SMAD4: variants seen among roughly 807,000 people sequenced by gnomAD.
SMAD4 encodes SMAD family member 4.
SMAD4 carries 7 observed loss-of-function variants against 63.2 expected under a neutral mutation model. The observed-to-expected ratio is 0.11, with a 90% CI of 0.06 to 0.21. SMAD4 has a LOEUF of 0.21. SMAD4 is among the 10% of genes least tolerant of loss of function. The probability of loss-of-function intolerance (pLI) is 1.00; values close to 1 mark genes in which losing one functional copy is unlikely to be tolerated. For synonymous variants in SMAD4, 215 were observed against 235.4 expected (o/e 0.91, Z 0.79); for missense variants, 312 against 693.8 (o/e 0.45, Z 6.18).
chr18:51,065,416 C>T lies in SMAD4; in HGVS notation c.956-7C>T, dbSNP rs778959035. On this transcript the variant is annotated splice_polypyrimidine_tract_variant and splice_region_variant and intron_variant, in intron 8 of 11. Coordinates refer to ENST00000342988, the MANE Select transcript of SMAD4 (RefSeq NM_005359.6). Reference sequence around the variant, plus strand: ...GGAGGATGTTCTTTCCCATTTATTTCCTATAGCTCCTGAGTATTGGTGTTC... The same window carrying T: ...GGAGGATGTTCTTTCCCATTTATTTTCTATAGCTCCTGAGTATTGGTGTTC... 6.2e-7 allele frequency: 1 copy of T among 1,611,016 alleles called. No individual in the cohort carries two copies. The highest frequency in any genetic ancestry group is 2.2e-5 in the East Asian group (1 of 44,840).
intron 10 of SMAD4, among the ~76,000 whole-genome samples, chr18:51,073,386 TATACAC>T (rs1360509484): frequency 3.8e-4 from 31 of 82,050 alleles, no homozygotes; most frequent in Non-Finnish European, 4.9e-4. Context: ...TATATATATA[TATACAC>T]ACACACACAC....
In SMAD4 at chr18:51,078,474, T is replaced by C; in HGVS notation, c.*7T>C. The C allele has an allele frequency of 6.2e-7, 1 of 1,605,666 alleles. No homozygotes were observed. The highest frequency in any genetic ancestry group is 8.5e-7 in the Non-Finnish European group (1 of 1,172,620). ...CCCACAACCTTTAGACTGAGGTCTT[T>C]TACCGTTGGGGCCCTTAACCTTATC... is the stretch of plus-strand genomic sequence containing the variant. On this transcript the variant is annotated 3_prime_UTR_variant, in exon 12 of 12. Transcript: ENST00000342988.
At position 51,080,804 on chromosome 18, in the gene SMAD4, G is replaced by C. The variant is rs781371523; in HGVS notation, c.*2337G>C. On this transcript the variant is annotated 3_prime_UTR_variant, in exon 12 of 12. Transcript: ENST00000342988. ...GATCCATCCACCTTGGCCTCCCAAA[G>C]TGCTGGGATTACGGGCGTGAGCCAC... 1.7e-5 allele frequency: 3 copies of C among 175,144 alleles called. No individual in the cohort carries two copies. The highest frequency in any genetic ancestry group is 2.5e-5 in the Non-Finnish European group (2 of 81,238). The allele number at this position is 175,144 out of a possible 1,614,324, so 10.8% of individuals were successfully genotyped here.
chr18:51,070,592 G>GCT (rs1386547474), intron 10 of SMAD4, among the ~76,000 whole-genome samples: 2 of 152,130 alleles, frequency 1.3e-5, no homozygotes, highest in Non-Finnish European at 1.5e-5. Flanking sequence ...ACTTTCCATG[G>GCT]CTTCAGGTAT....
chr18:51,060,711 A>G (rs1181470921), intron 8 of SMAD4, among the ~76,000 whole-genome samples: 1 of 152,094 alleles, frequency 6.6e-6, no homozygotes, highest in African/African-American at 2.4e-5. Context: ...TCAGATTACT[A>G]CAGCCTTGAC....
intron 8 of SMAD4, among the ~76,000 whole-genome samples, chr18:51,061,139 C>T (rs1910000825): frequency 6.6e-6 from 1 of 152,052 alleles, no homozygotes; most frequent in African/African-American, 2.4e-5. Context: ...TGTTTTGATA[C>T]AGGCATATAA....
Position 51,054,809 on chromosome 18 carries a change from A to G in SMAD4, c.483A>G (p.Glu161=), listed in dbSNP as rs786201120. Residue 161 remains glutamate (E), a synonymous_variant, in exon 5 of 12, where the codon GAA becomes GAG. Coordinates refer to ENST00000342988, the MANE Select transcript of SMAD4 (RefSeq NM_005359.6). ...CATCAAGTATGATGGTGAAGGATGAATATGTGCATGACTTTGAGGGACAGC... is the reference window on the plus strand; with the variant it reads ...CATCAAGTATGATGGTGAAGGATGAGTATGTGCATGACTTTGAGGGACAGC... ...NAPSSMMVKD[E]YVHDFEGQPS... The G allele has an allele frequency of 6.2e-7, 1 of 1,613,564 alleles. No individual in the cohort carries two copies. The highest frequency in any genetic ancestry group is 1.7e-4 in the Middle Eastern group (1 of 6,058).
At position 51,078,455 on chromosome 18, in the gene SMAD4, A is replaced by G. The variant is rs113545983; in HGVS notation, c.1647A>G (p.Gln549=). The change falls in exon 12 of 12, where the codon CAA becomes CAG. Residue 549 remains glutamine, a synonymous_variant. Coordinates refer to ENST00000342988, the MANE Select transcript of SMAD4 (RefSeq NM_005359.6). ...VLHTMPIADP[Q]PLD is the part of the protein sequence containing the mutation. ...ATACCATGCCGATTGCAGACCCACAACCTTTAGACTGAGGTCTTTTACCGT... is the reference window on the plus strand; with the variant it reads ...ATACCATGCCGATTGCAGACCCACAGCCTTTAGACTGAGGTCTTTTACCGT... 59 of 1,613,484 alleles carry G rather than the reference A, an allele frequency of 3.7e-5. No homozygotes were observed. In the Middle Eastern group the frequency reaches 8.3e-4, roughly 23 times the overall value.
At chr18:51,061,878 A>G (rs1050448908) in intron 8 of SMAD4, among the ~76,000 whole-genome samples, 4 of 152,154 alleles carry the variant, frequency 2.6e-5, no homozygotes, top group Non-Finnish European at 4.4e-5. Flanking sequence ...GTTATTGATT[A>G]TGTTGGTTTA....
chr18:51,046,917 T>A lies in SMAD4; in HGVS notation c.-127-3T>A, dbSNP rs746840014. 8.7e-5 allele frequency: 65 copies of A among 747,610 alleles called. No individual in the cohort carries two copies. The highest frequency in any genetic ancestry group is 1.3e-4 in the Non-Finnish European group (58 of 455,592). The allele number at this position is 747,610 out of a possible 1,614,324, so 46.3% of individuals were successfully genotyped here. A position where few individuals can be genotyped will look rare whatever the true frequency, so the allele number is the denominator to read the frequency against. Reference sequence around the variant, plus strand: ...GTGTGTCTTTTTTTTTTTTCTTTTTTAGGTTATCCTGAATACATGTCTAAC... The same window carrying A: ...GTGTGTCTTTTTTTTTTTTCTTTTTAAGGTTATCCTGAATACATGTCTAAC... On this transcript the variant is annotated splice_region_variant and splice_polypyrimidine_tract_variant and intron_variant, in intron 1 of 11. Coordinates refer to ENST00000342988, the MANE Select transcript of SMAD4 (RefSeq NM_005359.6).
intron 1 of SMAD4, among the ~76,000 whole-genome samples, chr18:51,038,459 C>G (rs1909276538): frequency 6.6e-6 from 1 of 152,196 alleles, no homozygotes; most frequent in African/African-American, 2.4e-5. Flanking sequence ...TGCAACTAAC[C>G]TTTCAGAATT....
chr18:51,049,834 A>G (rs1909654005), intron 4 of SMAD4, among the ~76,000 whole-genome samples: 1 of 152,206 alleles, frequency 6.6e-6, no homozygotes, highest in Non-Finnish European at 1.5e-5. Flanking sequence ...CATTTTGAGT[A>G]AATAAATCAA....
At chr18:51,040,568 GA>G (rs1203974531) in intron 1 of SMAD4, among the ~76,000 whole-genome samples, 4 of 151,992 alleles carry the variant, frequency 2.6e-5, no homozygotes, top group African/African-American at 9.7e-5. Flanking sequence ...TAACATCTGA[GA>G]AAAAATGTCA....
intron 7 of SMAD4, among the ~76,000 whole-genome samples, chr18:51,059,319 G>A (rs563913598): frequency 2.6e-4 from 39 of 152,292 alleles, no homozygotes; most frequent in Non-Finnish European, 5.0e-4. Context: ...CCATTGACAA[G>A]TTATTTCACC....
intron 8 of SMAD4, among the ~76,000 whole-genome samples, chr18:51,062,131 C>CAG (rs1400793837): frequency 6.6e-6 from 1 of 152,110 alleles, no homozygotes; most frequent in African/African-American, 2.4e-5. Flanking sequence ...ATTAGTGGGG[C>CAG]AGAAGCATTC....
intron 10 of SMAD4, among the ~76,000 whole-genome samples, chr18:51,070,879 A>G (rs1320597563): frequency 6.6e-6 from 1 of 152,128 alleles, no homozygotes; most frequent in African/African-American, 2.4e-5. Context: ...AAGGGTAATG[A>G]TGCTGGGATA....
At chr18:51,051,025 C>CTT in intron 4 of SMAD4, 9 of 152,718 alleles carry the variant, frequency 5.9e-5, no homozygotes, top group South Asian at 3.6e-4. Flanking sequence ...TGTATCACTT[C>CTT]TTTTTTTTTT....
At chr18:51,056,382 T>C (rs567818502) in intron 5 of SMAD4, among the ~76,000 whole-genome samples, 11 of 152,226 alleles carry the variant, frequency 7.2e-5, no homozygotes, top group African/African-American at 1.9e-4. Flanking sequence ...AGAAATGAAA[T>C]GCAGCTAATT....
At chr18:51,063,080 C>G (rs960350159) in intron 8 of SMAD4, among the ~76,000 whole-genome samples, 4 of 151,670 alleles carry the variant, frequency 2.6e-5, no homozygotes, top group Non-Finnish European at 5.9e-5. Context: ...TCTCGAACTC[C>G]TGACCTCTTG....
Sources: gnomAD v4.1 joint callset for allele counts (sites outside exome capture counted in the v4.1 genomes callset) on GRCh38, gnomAD v4.1.1 for gene constraint, MANE v1.5 for transcripts, NCBI Gene and HGNC (gene_info 2026-07-23, HGNC 2026-07-21) for gene names.